The following NTN1 variants were observed in gnomAD, a reference collection of about 807,000 sequenced individuals.
The protein encoded by NTN1 is netrin 1, also known as netrin-1.
Under a neutral mutation model 54.2 loss-of-function variants are expected in NTN1, and 11 were observed. The ratio of observed to expected loss-of-function variants is 0.20; its 90% CI spans 0.13 to 0.34. NTN1 has a LOEUF of 0.34. Ranked by LOEUF, NTN1 falls within the 10% of genes least tolerant of loss-of-function variation. The probability of loss-of-function intolerance (pLI) is 1.00; values close to 1 mark genes in which losing one functional copy is unlikely to be tolerated. For synonymous variants in NTN1, 371 were observed against 382.0 expected (o/e 0.97, Z 0.33); for missense variants, 740 against 893.1 (o/e 0.83, Z 2.18).
chr17:9,199,086 T>C (rs1904712790), intron 5 of NTN1, among the ~76,000 whole-genome samples: 1 of 152,254 alleles, frequency 6.6e-6, no homozygotes, highest in African/African-American at 2.4e-5. Flanking sequence ...GGGAAGATTA[T>C]GTGCTGTAAC....
chr17:9,113,615 G>T (rs541881490), intron 2 of NTN1, among the ~76,000 whole-genome samples: 4 of 152,078 alleles, frequency 2.6e-5, no homozygotes, highest in Non-Finnish European at 4.4e-5. Context: ...CTTTCTTTGT[G>T]CAATCCAAGC....
rs1473167824 is a variant in NTN1, at chr17:9,119,900, C to T, written c.1019-42913C>T. 3.3e-5 allele frequency among the ~76,000 whole-genome samples: 5 copies of T among 152,238 alleles called. No individual in the cohort carries two copies. In the East Asian group the frequency reaches 9.7e-4, roughly 29 times the overall value. On this transcript the variant is annotated intron_variant, in intron 2 of 6. Coordinates refer to ENST00000173229, the MANE Select transcript of NTN1 (RefSeq NM_004822.3). Reference sequence around the variant, plus strand: ...GCTAATGATGTTGAGCATCTTTTCACAGGCTTCCTGGCTATTTGTATACGT... The same window carrying T: ...GCTAATGATGTTGAGCATCTTTTCATAGGCTTCCTGGCTATTTGTATACGT...
intron 5 of NTN1, among the ~76,000 whole-genome samples, chr17:9,199,879 G>A (rs1597533978): frequency 6.6e-6 from 1 of 152,374 alleles, no homozygotes; most frequent in Middle Eastern, 3.4e-3. Context: ...TTGGCATCAG[G>A]AAGTGGTGGT....
At chr17:9,164,388 G>A in intron 3 of NTN1, among the ~76,000 whole-genome samples, 1 of 150,640 alleles carries the variant, frequency 6.6e-6, no homozygotes, top group Admixed American at 6.6e-5. Flanking sequence ...TCGCGCCACC[G>A]CACTCCAGCC....
intron 2 of NTN1, among the ~76,000 whole-genome samples, chr17:9,068,798 G>A (rs890354688): frequency 1.3e-5 from 2 of 152,044 alleles, no homozygotes; most frequent in Non-Finnish European, 2.9e-5. Flanking sequence ...ATAAGCCACC[G>A]CGCCTGGCCC....
chr17:9,235,310 G>T (rs1015439139), intron 6 of NTN1, among the ~76,000 whole-genome samples: 1 of 152,126 alleles, frequency 6.6e-6, no homozygotes, highest in Non-Finnish European at 1.5e-5. Flanking sequence ...TCATCTCCCT[G>T]GTCTGACCTC....
chr17:9,161,463 G>A (rs2092356823), intron 2 of NTN1, among the ~76,000 whole-genome samples: 1 of 152,144 alleles, frequency 6.6e-6, no homozygotes, highest in Non-Finnish European at 1.5e-5. Context: ...ATCCTGATGG[G>A]CGCCCTCAGA....
At chr17:9,086,122 T>C (rs148118863) in intron 2 of NTN1, among the ~76,000 whole-genome samples, 183 of 152,346 alleles carry the variant, frequency 1.2e-3, no homozygotes, top group African/African-American at 4.1e-3. Context: ...ATTTCCTCCA[T>C]TCTTTTTATG....
At chr17:9,227,404 C>T (rs1360847598) in intron 6 of NTN1, among the ~76,000 whole-genome samples, 3 of 150,524 alleles carry the variant, frequency 2.0e-5, no homozygotes, top group Non-Finnish European at 3.0e-5. Context: ...CACAGGCACA[C>T]ACACCACATG....
chr17:9,041,995 T>G (rs2091923283), intron 2 of NTN1, among the ~76,000 whole-genome samples: 2 of 146,978 alleles, frequency 1.4e-5, no homozygotes, highest in African/African-American at 5.0e-5. Flanking sequence ...GGCGACAGAG[T>G]GGGACTCTGT....
At chr17:9,023,522 A>G (rs2091860619) in intron 2 of NTN1, 131 bp downstream of exon 2, 1 of 1,141,576 alleles carries the variant, frequency 8.8e-7, no homozygotes, top group East Asian at 3.2e-5. Context: ...GATGCCCGGG[A>G]CCCGGGAGGG....
intron 2 of NTN1, among the ~76,000 whole-genome samples, chr17:9,105,680 CTG>C (rs1364819966): frequency 3.6e-4 from 55 of 151,152 alleles, no homozygotes; most frequent in African/African-American, 1.2e-3. Context: ...CTCTCTCTCT[CTG>C]TCTCTGTCTC....
intron 2 of NTN1, among the ~76,000 whole-genome samples, chr17:9,074,980 A>G (rs1032433744): frequency 1.3e-5 from 2 of 152,210 alleles, no homozygotes; most frequent in Non-Finnish European, 2.9e-5. Flanking sequence ...GTGAGTGTGG[A>G]TGTGGAATAT....
intron 5 of NTN1, among the ~76,000 whole-genome samples, chr17:9,193,720 T>C (rs910797214): frequency 2.0e-5 from 3 of 151,206 alleles, no homozygotes; most frequent in Non-Finnish European, 4.4e-5. Context: ...GTCGGGAGTT[T>C]GAGACCAGCC....
chr17:9,092,737 G>A (rs528323800), intron 2 of NTN1, among the ~76,000 whole-genome samples: 6 of 149,826 alleles, frequency 4.0e-5, no homozygotes, highest in East Asian at 2.0e-4. Flanking sequence ...GATTACAGGC[G>A]CACACCACTA....
chr17:9,092,789 C>T (rs984696172), intron 2 of NTN1, among the ~76,000 whole-genome samples: 7 of 151,356 alleles, frequency 4.6e-5, no homozygotes, highest in East Asian at 1.9e-4. Flanking sequence ...GACAGAGTCT[C>T]GCTCTGTCGC....
chr17:9,150,308 C>T (rs2092323723), intron 2 of NTN1, among the ~76,000 whole-genome samples: 1 of 152,216 alleles, frequency 6.6e-6, no homozygotes, highest in African/African-American at 2.4e-5. Context: ...AAGTTTGCAT[C>T]TCATAGACAG....
At chr17:9,183,511 C>A in intron 5 of NTN1, 1 of 360,594 alleles carries the variant, frequency 2.8e-6, no homozygotes, top group Non-Finnish European at 5.7e-6. Flanking sequence ...ACCGTGGTCA[C>A]TGGCGGAAGT....
chr17:9,099,025 G>T (rs137993873), intron 2 of NTN1, among the ~76,000 whole-genome samples: 2 of 152,070 alleles, frequency 1.3e-5, no homozygotes, highest in Non-Finnish European at 2.9e-5. Flanking sequence ...AGTATGCTTT[G>T]CATATTGTTT....
Sources: allele counts gnomAD v4.1 joint callset (sites outside exome capture counted in the v4.1 genomes callset), GRCh38; gene constraint gnomAD v4.1.1; transcripts MANE v1.5; gene names NCBI Gene and HGNC (gene_info 2026-07-23, HGNC 2026-07-21).